Variants in PRR13 observed in about 807,000 individuals in gnomAD.
PRR13 encodes proline-rich protein 13.
In PRR13, 7 loss-of-function variants were observed where a neutral mutation model predicts 11.5. The ratio of observed to expected loss-of-function variants is 0.61; its 90% confidence interval spans 0.34 to 1.14. The LOEUF (loss-of-function observed/expected upper bound fraction) is 1.14, where lower values mean the gene tolerates loss of function less well. PRR13 is among the 50% of genes most tolerant of loss of function. The probability of loss-of-function intolerance (pLI) is 0.03; values close to 1 mark genes in which losing one functional copy is unlikely to be tolerated. For missense variants in PRR13, 155 were observed against 194.4 expected, an observed-to-expected ratio of 0.80 and a Z score of 1.21; for synonymous variants, 53 against 67.8, an observed-to-expected ratio of 0.78 and a Z score of 1.07.
Position 53,446,125 on chromosome 12 carries a change from A to T in PRR13, c.*66A>T. 6.2e-7 allele frequency: 1 copy of T among 1,608,188 alleles called. No individual in the cohort carries two copies. The highest frequency in any genetic ancestry group is 8.5e-7 in the Non-Finnish European group (1 of 1,179,770). ...GCTCTCCCATCAAGCTTCAGATGCC[A>T]TGTTGTACTGGGGGAATGTAGCCCT... On this transcript the variant is annotated 3_prime_UTR_variant, in exon 4 of 4. Transcript: ENST00000429243.
intron 3 of PRR13, among the ~76,000 whole-genome samples, chr12:53,444,364 C>T (rs1940360061): frequency 6.7e-6 from 1 of 149,062 alleles, no homozygotes; most frequent in South Asian, 2.1e-4. Context: ...GAGTCCCGCT[C>T]TTTAGCCCAG....
intron 3 of PRR13, among the ~76,000 whole-genome samples, chr12:53,445,434 G>T (rs1006184062): frequency 6.6e-6 from 1 of 151,812 alleles, no homozygotes; most frequent in African/African-American, 2.4e-5. Context: ...TGGAGAGACT[G>T]AAAAATGTTT....
chr12:53,445,296 T>C (rs1180799326), intron 3 of PRR13, among the ~76,000 whole-genome samples: 2 of 140,464 alleles, frequency 1.4e-5, no homozygotes, highest in Non-Finnish European at 3.0e-5. Flanking sequence ...TGCAGTGAGC[T>C]AAGATCATGC....
At chr12:53,441,979 C>G (rs939409273) in intron 1 of PRR13, 187 bp downstream of exon 1, 1 of 610,112 alleles carries the variant, frequency 1.6e-6, no homozygotes, top group African/African-American at 1.9e-5. Context: ...GAGGCGTATC[C>G]TTTTTTTAGC....
chr12:53,444,333 T>TTTG (rs1940358363), intron 3 of PRR13, among the ~76,000 whole-genome samples: 1 of 146,046 alleles, frequency 6.8e-6, no homozygotes, highest in African/African-American at 2.8e-5. Flanking sequence ...AAGGAGGTTT[T>TTTG]TTTTTTTTTT....
At chr12:53,442,155 C>T (rs1940303615) in intron 1 of PRR13, 1 of 345,708 alleles carries the variant, frequency 2.9e-6, no homozygotes, top group Non-Finnish European at 5.2e-6. Context: ...ACGCTTCCAC[C>T]TGGGTGGAGG....
chr12:53,445,794 G>A (rs139147271), intron 3 of PRR13, among the ~76,000 whole-genome samples: 5 of 152,200 alleles, frequency 3.3e-5, no homozygotes, highest in Non-Finnish European at 5.9e-5. Flanking sequence ...TTTAAATTCC[G>A]TGTGATAATT....
At chr12:53,444,487 G>A (rs1156784576) in intron 3 of PRR13, among the ~76,000 whole-genome samples, 3 of 152,004 alleles carry the variant, frequency 2.0e-5, no homozygotes, top group Admixed American at 6.5e-5. Flanking sequence ...CCGCCACCGC[G>A]CCCGGCTAAT....
chr12:53,441,899 G>A (rs1940299581), intron 1 of PRR13, 107 bp downstream of exon 1: 2 of 694,374 alleles, frequency 2.9e-6, no homozygotes, highest in South Asian at 3.0e-5. Context: ...TTCTTTTTTG[G>A]AGGAAGGGGG....
At chr12:53,441,945 G>A in intron 1 of PRR13, 153 bp downstream of exon 1, 1 of 638,114 alleles carries the variant, frequency 1.6e-6, no homozygotes, top group Non-Finnish European at 2.8e-6. Flanking sequence ...AGGTTCTTGG[G>A]CAACTTCCTT....
At chr12:53,442,491 C>T in intron 1 of PRR13, 1 of 478,662 alleles carries the variant, frequency 2.1e-6, no homozygotes, top group Admixed American at 3.7e-5. Flanking sequence ...GATCCACCCG[C>T]CTCGGCCTCC....
Position 53,441,796 on chromosome 12 carries a change from A to G in PRR13, c.-21+4A>G. The stretch of plus-strand genomic sequence containing the variant: ...AAGCCCAGGCGGCGGTGGAAAGGTG[A>G]TGGGGTATCTGGATTCCATAGGTTT... On this transcript the variant is annotated splice_donor_region_variant and intron_variant, in intron 1 of 3. Transcript: ENST00000429243. 1.4e-6 allele frequency: 1 copy of G among 702,324 alleles called. No individual in the cohort carries two copies. The highest frequency in any genetic ancestry group is 2.6e-6 in the Non-Finnish European group (1 of 384,816). The allele number at this position is 702,324 out of a possible 1,614,324, so 43.5% of individuals were successfully genotyped here. A position where few individuals can be genotyped will look rare whatever the true frequency, so the allele number is the denominator to read the frequency against.
chr12:53,442,462 C>T (rs1940312359), intron 1 of PRR13: 3 of 426,092 alleles, frequency 7.0e-6, no homozygotes, highest in Non-Finnish European at 1.3e-5. Context: ...CCAGGCTGGT[C>T]TCGAACTCTT....
At chr12:53,444,018 T>G (rs779977324) in intron 3 of PRR13, 11 of 535,982 alleles carry the variant, frequency 2.1e-5, no homozygotes, top group South Asian at 4.2e-5. Context: ...GATTTTAGAA[T>G]CAAAAGCCAA....
At chr12:53,445,570 T>C (rs1379911303) in intron 3 of PRR13, among the ~76,000 whole-genome samples, 1 of 152,208 alleles carries the variant, frequency 6.6e-6, no homozygotes, top group Non-Finnish European at 1.5e-5. Context: ...TACATGCACA[T>C]ACAACTGCTG....
chr12:53,442,042 A>C, intron 1 of PRR13: 1 of 568,412 alleles, frequency 1.8e-6, no homozygotes, highest in South Asian at 2.2e-5. Flanking sequence ...ATCCTTTCTT[A>C]CTCTGTGCGT....
At chr12:53,443,055 A>C (rs1461556216) in intron 2 of PRR13, 2 of 357,150 alleles carry the variant, frequency 5.6e-6, no homozygotes, top group African/African-American at 4.2e-5. Context: ...TGGGGGTTTC[A>C]CAATTTGGCC....
intron 2 of PRR13, chr12:53,442,937 A>G: frequency 2.2e-6 from 1 of 454,688 alleles, no homozygotes; most frequent in Non-Finnish European, 3.8e-6. Context: ...GCTCACTGCA[A>G]CCTCCGCCTC....
At chr12:53,444,070 C>T (rs953372417) in intron 3 of PRR13, 25 of 460,944 alleles carry the variant, frequency 5.4e-5, no homozygotes, top group Middle Eastern at 5.5e-4. Flanking sequence ...GCTCCCCTCC[C>T]GCCAGGTGCA....
Sources: allele counts gnomAD v4.1 joint callset (sites outside exome capture counted in the v4.1 genomes callset), GRCh38; gene constraint gnomAD v4.1.1; transcripts MANE v1.5; gene names NCBI Gene and HGNC (gene_info 2026-07-23, HGNC 2026-07-21).